SMG7: variants seen among roughly 807,000 people sequenced by gnomAD.
The protein encoded by SMG7 is SMG7 nonsense mediated mRNA decay factor.
In SMG7, 34 loss-of-function variants were observed where a neutral mutation model predicts 148.2. That is an observed-to-expected ratio of 0.23 (90% CI 0.17 to 0.31). The LOEUF is 0.31. Ranked by LOEUF, SMG7 falls within the 10% of genes least tolerant of loss-of-function variation. The pLI is 1.00. For missense variants in SMG7, 1,114 were observed against 1,408.4 expected (o/e 0.79, Z 3.35); for synonymous variants, 492 against 515.1 (o/e 0.96, Z 0.61).
chr1:183,545,995 G>A lies in SMG7; in HGVS notation c.2400G>A (p.Leu800=), dbSNP rs775655070. 2 of 1,610,122 alleles carry A rather than the reference G, an allele frequency of 1.2e-6. No individual in the cohort carries two copies. Among genetic ancestry groups the A allele is most frequent in the Admixed American group, 1.7e-5 (1 of 59,174 alleles). Reference sequence around the variant, plus strand: ...AACAGGCAGATGCCTCCAAACAGCTGTGGAATCCCCCTCAGGTTCAAGGCC... The same window carrying A: ...AACAGGCAGATGCCTCCAAACAGCTATGGAATCCCCCTCAGGTTCAAGGCC... ...QYQQADASKQ[L]WNPPQVQGPL... The change falls in exon 17 of 23, where the codon CTG becomes CTA. Residue 800 remains leucine (L), a synonymous_variant. Transcript: ENST00000688051.
At chr1:183,546,950 T>G (rs1327252271) in intron 17 of SMG7, among the ~76,000 whole-genome samples, 153 bp from the exon 18 acceptor site, 2 of 152,254 alleles carry the variant, frequency 1.3e-5, no homozygotes, top group Non-Finnish European at 2.9e-5. Flanking sequence ...TCGCTTTGCC[T>G]TTGCATTTCA....
chr1:183,546,575 G>A (rs767838392), intron 17 of SMG7, among the ~76,000 whole-genome samples: 10 of 152,188 alleles, frequency 6.6e-5, no homozygotes, highest in Admixed American at 1.3e-4. Flanking sequence ...AAGAAACCAT[G>A]TACAGAAATC....
At chr1:183,507,016 C>CTACGGGTA (rs1223064516) in intron 1 of SMG7, among the ~76,000 whole-genome samples, 1 of 151,430 alleles carries the variant, frequency 6.6e-6, no homozygotes, top group Non-Finnish European at 1.5e-5. Context: ...GTAGCTGGGA[C>CTACGGGTA]TACGGGTACA....
chr1:183,545,105 A>G lies in SMG7; in HGVS notation c.2163A>G (p.Gln721=). ...AGTCCCACATTCCTTACAGCCAGCA[A>G]CGGCCCTCTGGACCAGGGCCAATGA... ...GKQSHIPYSQ[Q]RPSGPGPMNQ... is the part of the protein sequence containing the mutation. Residue 721 remains glutamine (Q), a synonymous_variant, in exon 16 of 23, where the codon CAA becomes CAG. Transcript: ENST00000688051. 3.7e-6 allele frequency: 6 copies of G among 1,614,052 alleles called. No individual in the cohort carries two copies. Among genetic ancestry groups the G allele is most frequent in the Non-Finnish European group, 5.1e-6 (6 of 1,179,966 alleles).
chr1:183,506,567 G>A (rs369503247), intron 1 of SMG7, among the ~76,000 whole-genome samples: 1 of 151,674 alleles, frequency 6.6e-6, no homozygotes, highest in African/African-American at 2.4e-5. Flanking sequence ...GGTTATGATT[G>A]AGAAATGCTG....
chr1:183,531,468 G>T (rs1666841690), intron 8 of SMG7, among the ~76,000 whole-genome samples: 1 of 152,020 alleles, frequency 6.6e-6, no homozygotes, highest in African/African-American at 2.4e-5. Context: ...TAAATTTTAG[G>T]AAATTACAAC....
intron 1 of SMG7, among the ~76,000 whole-genome samples, chr1:183,503,149 A>G (rs1660114269): frequency 1.3e-5 from 2 of 152,220 alleles, no homozygotes; most frequent in South Asian, 2.1e-4. Context: ...CTATTCCCTC[A>G]TCATCAAAAT....
intron 1 of SMG7, among the ~76,000 whole-genome samples, chr1:183,506,653 T>TA (rs80096048): frequency 0.11 from 14,975 of 138,560 alleles, 871 homozygotes; most frequent in East Asian, 0.24. Context: ...TTAAATTTCT[T>TA]AAAAAAAAAA....
At chr1:183,526,862 C>T in intron 5 of SMG7, 95 bp downstream of exon 5, 1 of 959,806 alleles carries the variant, frequency 1.0e-6, no homozygotes. Context: ...GGAGCATACA[C>T]ACACAATTTA....
chr1:183,489,928 A>G (rs1571799279), intron 1 of SMG7, among the ~76,000 whole-genome samples: 2 of 152,248 alleles, frequency 1.3e-5, no homozygotes, highest in South Asian at 4.1e-4. Flanking sequence ...TGTGGTCCCC[A>G]GATGAGCATC....
chr1:183,490,076 A>G (rs1656565886), intron 1 of SMG7, among the ~76,000 whole-genome samples: 1 of 152,230 alleles, frequency 6.6e-6, no homozygotes, highest in African/African-American at 2.4e-5. Context: ...CTGGTAAAGT[A>G]TGGTATTGAG....
At chr1:183,546,830 T>C (rs1330928380) in intron 17 of SMG7, among the ~76,000 whole-genome samples, 2 of 152,238 alleles carry the variant, frequency 1.3e-5, no homozygotes, top group African/African-American at 2.4e-5. Flanking sequence ...GCTAATCATT[T>C]TGCTCCATAG....
chr1:183,526,925 C>G (rs1572000833), intron 5 of SMG7, among the ~76,000 whole-genome samples, 158 bp downstream of exon 5: 1 of 152,168 alleles, frequency 6.6e-6, no homozygotes, highest in Admixed American at 6.5e-5. Flanking sequence ...TAAAATTTCT[C>G]AATATTTTTG....
intron 1 of SMG7, among the ~76,000 whole-genome samples, chr1:183,484,892 G>T (rs1321680983): frequency 6.6e-6 from 1 of 151,918 alleles, no homozygotes; most frequent in Non-Finnish European, 1.5e-5. Flanking sequence ...GCTTCCATTC[G>T]CATGTAATCT....
chr1:183,506,842 CATTTTTAAACCATGAATCTTAGACTAT>C (rs1661015125), intron 1 of SMG7, among the ~76,000 whole-genome samples: 1 of 148,848 alleles, frequency 6.7e-6, no homozygotes, highest in Non-Finnish European at 1.5e-5. Context: ...AAATATCTTA[CATTTTTAAACCATGAATCTTAGACTAT>C]ATATTCTTTT....
intron 1 of SMG7, 29 bp from the exon 2 acceptor site, chr1:183,512,807 TC>T (rs1662450855): frequency 2.1e-6 from 3 of 1,446,540 alleles, no homozygotes; most frequent in Non-Finnish European, 1.9e-6. Flanking sequence ...TAACTGATAC[TC>T]TTTTTTTTTT....
intron 19 of SMG7, 118 bp from the exon 20 acceptor site, chr1:183,549,645 CA>C: frequency 1.3e-6 from 1 of 783,642 alleles, no homozygotes; most frequent in Non-Finnish European, 2.1e-6. Flanking sequence ...TAAAAGCCTT[CA>C]AAATTTCTCT....
chr1:183,541,978 T>TAC, intron 13 of SMG7, 98 bp from the exon 14 acceptor site: 1 of 981,022 alleles, frequency 1.0e-6, no homozygotes, highest in Non-Finnish European at 1.5e-6. Flanking sequence ...TTCATGGTTA[T>TAC]TAGTGCTAGG....
At chr1:183,529,680 T>A in intron 8 of SMG7, 147 bp downstream of exon 8, 1 of 635,568 alleles carries the variant, frequency 1.6e-6, no homozygotes, top group South Asian at 2.2e-5. Flanking sequence ...TCTTTGCATT[T>A]ATCATCCCTT....
Sources: gnomAD v4.1 joint callset for allele counts (sites outside exome capture counted in the v4.1 genomes callset) on GRCh38, gnomAD v4.1.1 for gene constraint, MANE v1.5 for transcripts, NCBI Gene and HGNC (gene_info 2026-07-23, HGNC 2026-07-21) for gene names.